The following ERC2 variants were observed in gnomAD, a reference collection of about 807,000 sequenced individuals.
ERC2 encodes the protein ELKS/RAB6-interacting/CAST family member 2.
Under a neutral mutation model 114.8 loss-of-function variants are expected in ERC2, and 42 were observed. That is an observed-to-expected ratio of 0.37 (90% CI 0.29 to 0.47). The LOEUF (loss-of-function observed/expected upper bound fraction) is 0.47. Ranked by LOEUF, ERC2 falls within the 20% of genes least tolerant of loss-of-function variation. The pLI, the probability that ERC2 is intolerant of heterozygous loss-of-function variation, is 0.99. For missense variants in ERC2, 939 were observed against 1,150.7 expected (o/e 0.82, Z 2.66); for synonymous variants, 454 against 425.5 (o/e 1.07, Z -0.82).
At chr3:55,695,117 C>G (rs1402315787) in intron 16 of ERC2, among the ~76,000 whole-genome samples, 1 of 152,186 alleles carries the variant, frequency 6.6e-6, no homozygotes, top group Admixed American at 6.5e-5. Context: ...AGACTGATGA[C>G]AACAGATACA....
chr3:56,287,779 T>C (rs1160559278), intron 3 of ERC2, among the ~76,000 whole-genome samples: 1 of 152,164 alleles, frequency 6.6e-6, no homozygotes, highest in African/African-American at 2.4e-5. Flanking sequence ...CATCCATCAC[T>C]ATGTGCTCTG....
chr3:55,628,505 T>C (rs1226717107), intron 17 of ERC2, among the ~76,000 whole-genome samples: 1 of 152,276 alleles, frequency 6.6e-6, no homozygotes, highest in East Asian at 1.9e-4. Context: ...ATTTTCTATT[T>C]ACTTATGCCT....
chr3:56,461,190 G>T (rs948116754), intron 1 of ERC2, among the ~76,000 whole-genome samples: 2 of 152,134 alleles, frequency 1.3e-5, no homozygotes, highest in Non-Finnish European at 2.9e-5. Flanking sequence ...AGGACAAGCT[G>T]GCCAGGCTTC....
chr3:55,667,483 A>T (rs749002839), intron 17 of ERC2, among the ~76,000 whole-genome samples: 4 of 152,210 alleles, frequency 2.6e-5, no homozygotes, highest in Non-Finnish European at 4.4e-5. Context: ...TCTACATTGC[A>T]CCTGGCTATT....
chr3:55,991,856 A>G (rs2071082593), intron 11 of ERC2, among the ~76,000 whole-genome samples: 1 of 152,238 alleles, frequency 6.6e-6, no homozygotes, highest in Admixed American at 6.5e-5. Flanking sequence ...CTGAAGAAGT[A>G]TATAATCCCT....
chr3:56,094,822 G>A (rs2077968715), intron 6 of ERC2, among the ~76,000 whole-genome samples: 2 of 152,066 alleles, frequency 1.3e-5, no homozygotes, highest in Non-Finnish European at 2.9e-5. Flanking sequence ...GGGGAAACAT[G>A]GATTATTCCA....
At chr3:55,824,528 C>T (rs1355284893) in intron 14 of ERC2, among the ~76,000 whole-genome samples, 1 of 152,178 alleles carries the variant, frequency 6.6e-6, no homozygotes, top group Non-Finnish European at 1.5e-5. Flanking sequence ...AACTAATATA[C>T]AGGGCAAAGC....
At chr3:55,545,181 A>G (rs2054657807) in intron 17 of ERC2, among the ~76,000 whole-genome samples, 1 of 151,606 alleles carries the variant, frequency 6.6e-6, no homozygotes, top group African/African-American at 2.4e-5. Context: ...CTCCATCCTC[A>G]CTCCACCACG....
chr3:55,592,971 C>T (rs1301564245), intron 17 of ERC2, among the ~76,000 whole-genome samples: 1 of 152,118 alleles, frequency 6.6e-6, no homozygotes, highest in Non-Finnish European at 1.5e-5. Context: ...TTTCCTATGT[C>T]CTTCTATTCA....
chr3:56,392,628 G>T (rs1332251185), intron 2 of ERC2, among the ~76,000 whole-genome samples: 2 of 152,140 alleles, frequency 1.3e-5, no homozygotes, highest in Non-Finnish European at 2.9e-5. Context: ...CAAATTCTCA[G>T]ATTGGGGAAA....
At chr3:55,804,462 A>G (rs899210547) in intron 14 of ERC2, among the ~76,000 whole-genome samples, 20 of 152,212 alleles carry the variant, frequency 1.3e-4, no homozygotes, top group Admixed American at 2.0e-4. Context: ...CCCCAGAGAC[A>G]GGATGATTAG....
chr3:56,385,676 G>A (rs1276008972), intron 2 of ERC2, among the ~76,000 whole-genome samples: 1 of 152,064 alleles, frequency 6.6e-6, no homozygotes. Flanking sequence ...CCACTAATGG[G>A]GAACTCACTA....
intron 3 of ERC2, among the ~76,000 whole-genome samples, chr3:56,270,182 G>T (rs201724753): frequency 2.6e-5 from 3 of 117,024 alleles, no homozygotes; most frequent in African/African-American, 4.4e-5. Flanking sequence ...AAAAAAAAAA[G>T]AAAGAAAAAC....
intron 2 of ERC2, among the ~76,000 whole-genome samples, chr3:56,344,915 C>T (rs888646968): frequency 1.3e-5 from 2 of 152,218 alleles, no homozygotes; most frequent in African/African-American, 4.8e-5. Flanking sequence ...TTGGATGTGT[C>T]AATGAAAACC....
intron 14 of ERC2, among the ~76,000 whole-genome samples, chr3:55,840,171 G>C (rs146062593): frequency 1.3e-5 from 2 of 151,928 alleles, no homozygotes; most frequent in East Asian, 1.9e-4. Flanking sequence ...CCTATTAAAA[G>C]AGCTTCAAAA....
chr3:56,315,923 C>T (rs1429843387), intron 2 of ERC2, among the ~76,000 whole-genome samples: 2 of 152,010 alleles, frequency 1.3e-5, no homozygotes, highest in African/African-American at 4.8e-5. Context: ...AGAACAAAAG[C>T]ATTATTGAAT....
intron 17 of ERC2, among the ~76,000 whole-genome samples, chr3:55,677,571 C>G (rs1482563694): frequency 6.6e-6 from 1 of 152,152 alleles, no homozygotes; most frequent in Admixed American, 6.5e-5. Context: ...CTCAGCTCAT[C>G]ACAGCCCTGG....
chr3:55,785,090 C>T (rs1033740931), intron 14 of ERC2, among the ~76,000 whole-genome samples: 7 of 152,172 alleles, frequency 4.6e-5, no homozygotes, highest in Non-Finnish European at 8.8e-5. Flanking sequence ...TCAGGAAAGA[C>T]TTCTTGCAAA....
chr3:55,652,718 A>T (rs2060682181), intron 17 of ERC2, among the ~76,000 whole-genome samples: 1 of 152,104 alleles, frequency 6.6e-6, no homozygotes, highest in African/African-American at 2.4e-5. Context: ...TTAAAAATAT[A>T]AAAAAAGTAG....
Sources: allele counts gnomAD v4.1 joint callset (sites outside exome capture counted in the v4.1 genomes callset), GRCh38; gene constraint gnomAD v4.1.1; transcripts MANE v1.5; gene names NCBI Gene and HGNC (gene_info 2026-07-23, HGNC 2026-07-21).